The following CNTNAP2 variants were observed in gnomAD, a reference collection of about 807,000 sequenced individuals.
CNTNAP2 encodes the protein contactin associated protein 2, also known as contactin-associated protein-like 2.
Under a neutral mutation model 155.2 loss-of-function variants are expected in CNTNAP2, and 98 were observed. That is an observed-to-expected ratio of 0.63 (90% CI 0.54 to 0.75). The LOEUF (loss-of-function observed/expected upper bound fraction) is 0.75, where lower values mean the gene tolerates loss of function less well. Among genes scored for constraint, CNTNAP2 ranks in the 30% least tolerant of loss-of-function variants. The probability of loss-of-function intolerance (pLI) is 0.00; values close to 1 mark genes in which losing one functional copy is unlikely to be tolerated. For synonymous variants in CNTNAP2, 651 were observed against 631.2 expected (o/e 1.03, Z -0.47); for missense variants, 1,727 against 1,688.1 (o/e 1.02, Z -0.40).
At position 147,444,561 on chromosome 7, in the gene CNTNAP2, A is replaced by C. The variant is rs182889441; in HGVS notation, c.1671-41374A>C. ...TTTTTTTACTAGCATCATTCCCCTT[A>C]GTCACTAAGAGTGAAATTAAAACCA... is the stretch of plus-strand genomic sequence containing the variant. On this transcript the variant is annotated intron_variant, in intron 10 of 23. Transcript: ENST00000361727. Among the ~76,000 whole-genome samples, 496 of 140,246 alleles carry C rather than the reference A, an allele frequency of 3.5e-3. 2 individuals carry two copies. Among genetic ancestry groups the C allele is most frequent in the African/African-American group, 0.013 (481 of 36,070 alleles). 92.0% of individuals were successfully genotyped at this position (140,246 alleles called of 152,430 possible).
At chr7:147,507,826 C>G (rs537317665) in intron 11 of CNTNAP2, among the ~76,000 whole-genome samples, 3 of 152,192 alleles carry the variant, frequency 2.0e-5, no homozygotes, top group African/African-American at 7.2e-5. Context: ...GCTGAGATTA[C>G]AGGCGTGAGC....
intron 13 of CNTNAP2, among the ~76,000 whole-genome samples, chr7:147,745,875 C>G (rs895194974): frequency 5.9e-5 from 9 of 152,176 alleles, no homozygotes; most frequent in African/African-American, 2.2e-4. Context: ...AACATAATCA[C>G]TTTTATAGTT....
chr7:146,356,343 C>A (rs1031774155), intron 1 of CNTNAP2, among the ~76,000 whole-genome samples: 4 of 152,138 alleles, frequency 2.6e-5, no homozygotes, highest in Non-Finnish European at 2.9e-5. Flanking sequence ...TCTGACAGGG[C>A]CCTGCCATTG....
Position 148,418,233 on chromosome 7 carries a change from G to A in CNTNAP2, c.*2617G>A, listed in dbSNP as rs1482299846. On this transcript the variant is annotated 3_prime_UTR_variant, in exon 24 of 24. Transcript: ENST00000361727. ...AATAATCTGTTTATGTGAAGAAAAA[G>A]AATTAAGTCTTTCTTCCAACTCTCT... 1 of 152,140 alleles carries A rather than the reference G, an allele frequency of 6.6e-6. No individual in the cohort carries two copies. Among genetic ancestry groups the A allele is most frequent in the Non-Finnish European group, 1.5e-5 (1 of 68,018 alleles). The allele number at this position is 152,140 out of a possible 1,614,324, so 9.4% of individuals were successfully genotyped here.
At position 148,172,325 on chromosome 7, in the gene CNTNAP2, G is replaced by A; in HGVS notation, c.2857G>A (p.Ala953Thr). Residue 953 changes from alanine to threonine, a missense_variant, in exon 18 of 24, where the codon GCA (alanine) becomes ACA (threonine). Ala to Thr is a moderately conservative substitution (Grantham distance 58). Coordinates refer to ENST00000361727, the MANE Select transcript of CNTNAP2 (RefSeq NM_014141.6). ...GGTGACACTTGACCTGGAGGAAAGA[G>A]CAAAGGTCACATCTGGGTTCATATC... The part of the protein sequence containing the change: ...NGVTLDLEER[A>T]KVTSGFISGC... 6.2e-7 allele frequency: 1 copy of A among 1,614,190 alleles called. No individual in the cohort carries two copies. The highest frequency in any genetic ancestry group is 8.5e-7 in the Non-Finnish European group (1 of 1,180,040).
chr7:147,725,255 G>A (rs774501102), intron 13 of CNTNAP2, among the ~76,000 whole-genome samples: 69 of 151,920 alleles, frequency 4.5e-4, no homozygotes, highest in Non-Finnish European at 8.5e-4. Flanking sequence ...TAAACCCATT[G>A]TTTAATAGGA....
intron 20 of CNTNAP2, among the ~76,000 whole-genome samples, chr7:148,237,377 A>C (rs1186015091): frequency 1.3e-5 from 2 of 152,238 alleles, no homozygotes; most frequent in African/African-American, 2.4e-5. Context: ...TATAACTATA[A>C]GGCTTTGAAG....
chr7:147,049,218 A>G (rs1001542817), intron 4 of CNTNAP2, among the ~76,000 whole-genome samples: 2 of 152,242 alleles, frequency 1.3e-5, no homozygotes, highest in Non-Finnish European at 2.9e-5. Flanking sequence ...GGACGCATTC[A>G]TACCACAGCG....
At chr7:146,163,875 T>C (rs1798271450) in intron 1 of CNTNAP2, among the ~76,000 whole-genome samples, 1 of 152,200 alleles carries the variant, frequency 6.6e-6, no homozygotes, top group Non-Finnish European at 1.5e-5. Flanking sequence ...AATTGGCGTT[T>C]GGTTGAGTTT....
At chr7:147,030,548 C>T (rs1229960585) in intron 3 of CNTNAP2, among the ~76,000 whole-genome samples, 4 of 152,134 alleles carry the variant, frequency 2.6e-5, no homozygotes, top group African/African-American at 9.7e-5. Flanking sequence ...GAAATAAGTT[C>T]ATTTAACGGT....
At chr7:147,780,056 A>C (rs1277029703) in intron 13 of CNTNAP2, among the ~76,000 whole-genome samples, 1 of 152,208 alleles carries the variant, frequency 6.6e-6, no homozygotes. Context: ...ATGATTTTCA[A>C]GGGATCTTTT....
intron 3 of CNTNAP2, among the ~76,000 whole-genome samples, chr7:146,937,336 G>A (rs1796937729): frequency 6.8e-6 from 1 of 147,874 alleles, no homozygotes; most frequent in Admixed American, 6.8e-5. Flanking sequence ...GGGTGACAGG[G>A]TGAGACTCTT....
chr7:147,614,965 A>C (rs1185509502), intron 12 of CNTNAP2, among the ~76,000 whole-genome samples: 1 of 151,942 alleles, frequency 6.6e-6, no homozygotes, highest in African/African-American at 2.4e-5. Context: ...TAAAATTAAG[A>C]ATTCAAGCCA....
chr7:147,177,423 C>G (rs76543398), intron 8 of CNTNAP2, among the ~76,000 whole-genome samples: 2,423 of 152,190 alleles, frequency 0.016, 27 homozygotes, highest in South Asian at 0.042. Flanking sequence ...TGAAGAGGTG[C>G]CTTCCGCCGT....
chr7:146,841,149 T>C (rs1160668006), intron 3 of CNTNAP2, among the ~76,000 whole-genome samples: 1 of 152,156 alleles, frequency 6.6e-6, no homozygotes, highest in East Asian at 1.9e-4. Flanking sequence ...TTGAATTTAG[T>C]TGGTCTAAGG....
chr7:148,232,993 A>T (rs1795989367), intron 20 of CNTNAP2, among the ~76,000 whole-genome samples: 1 of 152,244 alleles, frequency 6.6e-6, no homozygotes, highest in Admixed American at 6.5e-5. Flanking sequence ...TAGTTATCAG[A>T]CACCAGCGTG....
intron 1 of CNTNAP2, among the ~76,000 whole-genome samples, chr7:146,260,656 C>T (rs573193858): frequency 3.3e-5 from 5 of 152,284 alleles, no homozygotes; most frequent in African/African-American, 1.2e-4. Flanking sequence ...TCTATTTCTC[C>T]GTTTTGGAAT....
chr7:147,695,091 T>C (rs901401685), intron 13 of CNTNAP2, among the ~76,000 whole-genome samples: 4 of 152,218 alleles, frequency 2.6e-5, no homozygotes, highest in African/African-American at 9.6e-5. Context: ...TTATTTTTTC[T>C]AAATAACACA....
chr7:147,544,417 A>T (rs1799693412), intron 11 of CNTNAP2, among the ~76,000 whole-genome samples: 1 of 152,188 alleles, frequency 6.6e-6, no homozygotes, highest in Non-Finnish European at 1.5e-5. Context: ...GTGGCAAAAA[A>T]TTAAAAGTGA....
Sources: gnomAD v4.1 joint callset for allele counts (sites outside exome capture counted in the v4.1 genomes callset) on GRCh38, gnomAD v4.1.1 for gene constraint, MANE v1.5 for transcripts, NCBI Gene and HGNC (gene_info 2026-07-23, HGNC 2026-07-21) for gene names.